The following TNKS variants were observed in gnomAD, a reference collection of about 807,000 sequenced individuals.
TNKS encodes tankyrase, also known as poly [ADP-ribose] polymerase tankyrase-1.
TNKS carries 72 observed loss-of-function variants against 135.8 expected under a neutral mutation model. That is an observed-to-expected ratio of 0.53 (90% CI 0.44 to 0.64). The LOEUF (loss-of-function observed/expected upper bound fraction) is 0.64. TNKS is among the 30% of genes least tolerant of loss of function. The pLI is 0.00. For synonymous variants in TNKS, 849 were observed against 649.3 expected, an observed-to-expected ratio of 1.31 and a Z score of -4.68; for missense variants, 1,769 against 1,674.0, an observed-to-expected ratio of 1.06 and a Z score of -0.99.
At chr8:9,744,042 C>G (rs1475829070) in intron 17 of TNKS, among the ~76,000 whole-genome samples, 2 of 152,126 alleles carry the variant, frequency 1.3e-5, no homozygotes, top group African/African-American at 2.4e-5. Flanking sequence ...TCAATCTGCT[C>G]TGTGTGTGTC....
intron 1 of TNKS, among the ~76,000 whole-genome samples, chr8:9,578,971 C>T (rs1204254125): frequency 2.6e-5 from 4 of 152,094 alleles, no homozygotes; most frequent in African/African-American, 4.8e-5. Context: ...TTTTCTTCTC[C>T]GTTGATCTCA....
rs1804818840 is a variant in TNKS, at chr8:9,720,445, C to T, written c.1821C>T (p.Cys607=). ...CCCTAGCAGGTCACCTGCAGACCTG[C>T]CGCCTCCTGCTGAGTTACGGCTCTG... ...RAALAGHLQT[C]RLLLSYGSDP... is the part of the protein sequence containing the mutation. The change falls in exon 12 of 27, where the codon TGC becomes TGT. Residue 607 remains cysteine (C), a synonymous_variant. Transcript: ENST00000310430. 1.9e-6 allele frequency: 3 copies of T among 1,614,104 alleles called. No homozygotes were observed. Among genetic ancestry groups the T allele is most frequent in the Non-Finnish European group, 2.5e-6 (3 of 1,180,016 alleles).
intron 12 of TNKS, among the ~76,000 whole-genome samples, 200 bp downstream of exon 12, chr8:9,720,745 G>GT (rs1405781116): frequency 4.6e-5 from 7 of 151,994 alleles, no homozygotes; most frequent in Admixed American, 1.3e-4. Context: ...ACAGCTTTTA[G>GT]TTTTTTTAGG....
At position 9,779,942 on chromosome 8, in the gene TNKS, T is replaced by G. The variant is rs1255544792; in HGVS notation, c.*3206T>G. 1 of 152,242 alleles carries G rather than the reference T, an allele frequency of 6.6e-6. No homozygotes were observed. Among genetic ancestry groups the G allele is most frequent in the Non-Finnish European group, 1.5e-5 (1 of 68,046 alleles). The allele number at this position is 152,242 out of a possible 1,614,324, so 9.4% of individuals were successfully genotyped here. The stretch of plus-strand genomic sequence containing the variant: ...TTTCATGAAATAGCATCCTTATACT[T>G]CTTTGAGCTTGATGTTAGTGGCTAG... On this transcript the variant is annotated 3_prime_UTR_variant, in exon 27 of 27. Transcript: ENST00000310430.
At chr8:9,727,221 T>C (rs201816565) in intron 13 of TNKS, among the ~76,000 whole-genome samples, 1 of 152,182 alleles carries the variant, frequency 6.6e-6, no homozygotes, top group East Asian at 1.9e-4. Context: ...GAAGATAGAT[T>C]TTTTCCCTGT....
At chr8:9,673,265 T>G (rs1244246193) in intron 3 of TNKS, among the ~76,000 whole-genome samples, 1 of 151,972 alleles carries the variant, frequency 6.6e-6, no homozygotes, top group African/African-American at 2.4e-5. Flanking sequence ...ATTATATGAG[T>G]GTTATATTGT....
chr8:9,675,617 T>C (rs998226054), intron 3 of TNKS, among the ~76,000 whole-genome samples: 13 of 152,220 alleles, frequency 8.5e-5, no homozygotes, highest in African/African-American at 3.1e-4. Context: ...ATGAACATTT[T>C]TTGCTTGTTA....
intron 2 of TNKS, among the ~76,000 whole-genome samples, chr8:9,588,166 T>G (rs1563098183): frequency 1.3e-5 from 2 of 152,258 alleles, no homozygotes; most frequent in African/African-American, 2.4e-5. Flanking sequence ...AAATTAGGTG[T>G]GGAGAGTCCT....
At chr8:9,721,056 C>T (rs112860478) in intron 12 of TNKS, among the ~76,000 whole-genome samples, 5 of 151,832 alleles carry the variant, frequency 3.3e-5, no homozygotes, top group African/African-American at 1.2e-4. Context: ...CCGAGGCAGG[C>T]AGATCACGAG....
rs747627083 is a variant in TNKS, at chr8:9,692,408, C to T, written c.1107+11608C>T. Among the ~76,000 whole-genome samples, 75 of 152,300 alleles carry T rather than the reference C, an allele frequency of 4.9e-4. 1 individual carries two copies. Among genetic ancestry groups the T allele is most frequent in the Non-Finnish European group, 1.0e-3 (69 of 68,028 alleles). The stretch of plus-strand genomic sequence containing the variant: ...GAAGACAACTTTGTGAGGAAGTCAG[C>T]ACTGTTGTCACCCATCTCCCCCATT... On this transcript the variant is annotated intron_variant, in intron 5 of 26. Coordinates refer to ENST00000310430, the MANE Select transcript of TNKS (RefSeq NM_003747.3).
intron 1 of TNKS, among the ~76,000 whole-genome samples, chr8:9,569,005 T>C (rs1585177621): frequency 1.3e-5 from 2 of 152,224 alleles, no homozygotes; most frequent in East Asian, 3.8e-4. Flanking sequence ...ATTCCAAATG[T>C]TGACACATTT....
At position 9,555,944 on chromosome 8, in the gene TNKS, C is replaced by A. The variant is rs769744588; in HGVS notation, c.5C>A (p.Ala2Glu). Reference protein sequence around the residue: MAASRRSQHHHH... With the variant: MEASRRSQHHHH... Reference sequence around the variant, plus strand: ...CAGTGCTAGGGGAGTCCGAAGATGGCGGCGTCGCGTCGCTCTCAGCATCAT... The same window carrying A: ...CAGTGCTAGGGGAGTCCGAAGATGGAGGCGTCGCGTCGCTCTCAGCATCAT... The change falls in exon 1 of 27, where the codon GCG becomes GAG. Residue 2 changes from alanine to glutamate, a missense_variant. Ala to Glu is a moderately radical substitution (Grantham distance 107). This residue lies in a region of TNKS where 450 missense variants were observed against 304.9 expected (regional missense o/e 1.48). Coordinates refer to ENST00000310430, the MANE Select transcript of TNKS (RefSeq NM_003747.3). 2 of 1,609,464 alleles carry A rather than the reference C, an allele frequency of 1.2e-6. No homozygotes were observed. Among genetic ancestry groups the A allele is most frequent in the Non-Finnish European group, 8.5e-7 (1 of 1,178,222 alleles).
rs765600091 is a variant in TNKS, at chr8:9,622,225, C to T, written c.994+6548C>T. Reference sequence around the variant, plus strand: ...TTCAATTTTCAAGTGTTGTTTGCACCGTGAAGGAACAGCTAAGCTAGTTTC... The same window carrying T: ...TTCAATTTTCAAGTGTTGTTTGCACTGTGAAGGAACAGCTAAGCTAGTTTC... On this transcript the variant is annotated intron_variant, in intron 3 of 26. Transcript: ENST00000310430. 1.9e-4 allele frequency among the ~76,000 whole-genome samples: 29 copies of T among 152,064 alleles called. 1 individual carries two copies. The highest frequency in any genetic ancestry group is 6.5e-5 in the Admixed American group (1 of 15,270).
intron 12 of TNKS, among the ~76,000 whole-genome samples, chr8:9,724,613 A>G (rs996799429): frequency 2.0e-5 from 3 of 152,160 alleles, no homozygotes; most frequent in African/African-American, 7.2e-5. Flanking sequence ...TATGTAAGTC[A>G]TTTCAGCTAA....
At chr8:9,575,185 C>A (rs1797900464) in intron 1 of TNKS, 11 of 635,988 alleles carry the variant, frequency 1.7e-5, no homozygotes, top group Non-Finnish European at 2.2e-5. Context: ...CTCCCGGGTT[C>A]ACGCCATTCT....
chr8:9,707,496 C>G (rs1237083427), intron 8 of TNKS, among the ~76,000 whole-genome samples: 3 of 152,164 alleles, frequency 2.0e-5, no homozygotes, highest in Admixed American at 1.3e-4. Context: ...CAAGGCTGCA[C>G]AATCATATTT....
chr8:9,770,364 C>T (rs973174493), intron 26 of TNKS, 102 bp downstream of exon 26: 1 of 1,211,800 alleles, frequency 8.3e-7, no homozygotes, highest in African/African-American at 1.5e-5. Context: ...ATATCCACCA[C>T]ACAGTGTGCT....
In TNKS at chr8:9,770,127, G is replaced by A; in HGVS notation, c.3762G>A (p.Val1254=). 2 of 1,612,868 alleles carry A rather than the reference G, an allele frequency of 1.2e-6. No homozygotes were observed. Among genetic ancestry groups the A allele is most frequent in the Non-Finnish European group, 1.7e-6 (2 of 1,179,770 alleles). The part of the protein sequence containing the change: ...ICHRQMLFCR[V]TLGKSFLQFS... ...TTAGACAAATGCTCTTCTGTAGAGT[G>A]ACCCTTGGGAAATCCTTTCTGCAGT... is the stretch of plus-strand genomic sequence containing the variant. Residue 1254 remains valine, a synonymous_variant, in exon 26 of 27, where the codon GTG becomes GTA. Coordinates refer to ENST00000310430, the MANE Select transcript of TNKS (RefSeq NM_003747.3).
intron 2 of TNKS, among the ~76,000 whole-genome samples, chr8:9,599,486 C>G (rs1193864043): frequency 6.6e-6 from 1 of 152,204 alleles, no homozygotes; most frequent in Non-Finnish European, 1.5e-5. Flanking sequence ...AAGGATTGAG[C>G]AGTATTCTAA....
Sources: allele counts gnomAD v4.1 joint callset (sites outside exome capture counted in the v4.1 genomes callset), GRCh38; gene constraint gnomAD v4.1.1; regional missense constraint gnomAD v4.1.1; transcripts MANE v1.5; gene names NCBI Gene and HGNC (gene_info 2026-07-23, HGNC 2026-07-21).